Variants in GEN1 observed in about 807,000 individuals in gnomAD.
GEN1 encodes the protein GEN1 structure-specific endonuclease, also known as flap endonuclease GEN homolog 1.
GEN1 carries 64 observed loss-of-function variants against 67.6 expected under a neutral mutation model. The observed-to-expected ratio is 0.95, with a 90% CI of 0.77 to 1.17. The LOEUF (loss-of-function observed/expected upper bound fraction) is 1.17. Among genes scored for constraint, GEN1 ranks in the 50% most tolerant of loss-of-function variants. The pLI is 0.00. For synonymous variants in GEN1, 371 were observed against 359.4 expected, an observed-to-expected ratio of 1.03 and a Z score of -0.37; for missense variants, 1,058 against 1,048.3, an observed-to-expected ratio of 1.01 and a Z score of -0.13.
At position 17,784,433 on chromosome 2, in the gene GEN1, GAT is replaced by G. The variant is rs1558417543; in HGVS notation, c.*2497_*2498del. ...TTCAAATGGTTAAATGTAGAGTTAC[GAT>G]ATGATCCAGCAATTCCTCTCCCAGG... On this transcript the variant is annotated 3_prime_UTR_variant, in exon 14 of 14. Coordinates refer to ENST00000381254, the MANE Select transcript of GEN1 (RefSeq NM_001130009.3). The G allele has an allele frequency of 1.3e-5, 2 of 152,128 alleles. No homozygotes were observed. Among genetic ancestry groups the G allele is most frequent in the African/African-American group, 4.8e-5 (2 of 41,418 alleles). The allele number at this position is 152,128 out of a possible 1,614,324, so 9.4% of individuals were successfully genotyped here.
rs771356451 is a variant in GEN1, at chr2:17,782,170, T to A, written c.*231T>A. The A allele has an allele frequency of 2.9e-4, 104 of 357,068 alleles. No homozygotes were observed. Among genetic ancestry groups the A allele is most frequent in the Non-Finnish European group, 4.0e-4 (80 of 199,494 alleles). The allele number at this position is 357,068 out of a possible 1,614,324, so 22.1% of individuals were successfully genotyped here. On this transcript the variant is annotated 3_prime_UTR_variant, in exon 14 of 14. Coordinates refer to ENST00000381254, the MANE Select transcript of GEN1 (RefSeq NM_001130009.3). ...AATGTATGTCATTATGTCCTTACTA[T>A]TCCTTAATTGTAGTTTTAAAATATT...
intron 10 of GEN1, 93 bp downstream of exon 10, chr2:17,773,392 A>T: frequency 1.3e-6 from 1 of 740,822 alleles, no homozygotes; most frequent in Non-Finnish European, 2.2e-6. Flanking sequence ...GAGGAGGTTT[A>T]AAATTAAAAC....
At chr2:17,770,202 C>A (rs1672119089) in intron 6 of GEN1, among the ~76,000 whole-genome samples, 1 of 152,108 alleles carries the variant, frequency 6.6e-6, no homozygotes. Context: ...CTTATTGAAA[C>A]AGTTTCAGCA....
intron 11 of GEN1, among the ~76,000 whole-genome samples, chr2:17,777,667 G>T (rs1672501612): frequency 6.6e-6 from 1 of 152,052 alleles, no homozygotes; most frequent in Non-Finnish European, 1.5e-5. Context: ...ATACTACACA[G>T]AGTTTGAAAA....
At chr2:17,780,199 G>A in intron 13 of GEN1, 78 bp downstream of exon 13, 1 of 1,144,354 alleles carries the variant, frequency 8.7e-7, no homozygotes, top group Non-Finnish European at 1.3e-6. Context: ...TGAATCTGCT[G>A]TGTCTAAATT....
At chr2:17,773,411 C>A in intron 10 of GEN1, 112 bp downstream of exon 10, 1 of 651,510 alleles carries the variant, frequency 1.5e-6, no homozygotes, top group Non-Finnish European at 2.6e-6. Context: ...ACAGGCAGCT[C>A]TTATATTTTT....
intron 4 of GEN1, 46 bp downstream of exon 4, chr2:17,765,119 T>A: frequency 6.4e-7 from 1 of 1,552,626 alleles, no homozygotes; most frequent in Admixed American, 1.7e-5. Flanking sequence ...ACGAACTACC[T>A]TTTTTAAAGG....
In GEN1 at chr2:17,784,610, T is replaced by A. The variant is rs1044375528; in HGVS notation, c.*2671T>A. ...AAACTAATGTGTATTAGCTATTGTG[T>A]GCTAAGCATTCAACTAGATTATTTA... On this transcript the variant is annotated 3_prime_UTR_variant, in exon 14 of 14. Transcript: ENST00000381254. 1 of 152,244 alleles carries A rather than the reference T, an allele frequency of 6.6e-6. No homozygotes were observed. Among genetic ancestry groups the A allele is most frequent in the African/African-American group, 2.4e-5 (1 of 41,464 alleles). 9.4% of individuals were successfully genotyped at this position (152,244 alleles called of 1,614,324 possible). A position where few individuals can be genotyped will look rare whatever the true frequency, so the allele number is the denominator to read the frequency against.
chr2:17,761,067 C>CA (rs1466782490), intron 2 of GEN1, among the ~76,000 whole-genome samples: 6 of 151,820 alleles, frequency 4.0e-5, no homozygotes, highest in African/African-American at 7.3e-5. Flanking sequence ...CCCATCTCTA[C>CA]AAAAAATACA....
chr2:17,775,022 A>G (rs1205903354), intron 11 of GEN1, among the ~76,000 whole-genome samples: 1 of 152,218 alleles, frequency 6.6e-6, no homozygotes, highest in African/African-American at 2.4e-5. Context: ...AGAAAGCTTA[A>G]CATATAAAGA....
chr2:17,755,934 G>A (rs1263164362), intron 1 of GEN1, among the ~76,000 whole-genome samples: 5 of 152,170 alleles, frequency 3.3e-5, no homozygotes, highest in Non-Finnish European at 5.9e-5. Context: ...TACATCAAAG[G>A]ACTTGTTTTT....
intron 4 of GEN1, among the ~76,000 whole-genome samples, chr2:17,766,278 G>T (rs1017027608): frequency 1.3e-5 from 2 of 151,946 alleles, no homozygotes; most frequent in South Asian, 4.1e-4. Flanking sequence ...AGTAATTCTT[G>T]TGCCTCAGCC....
intron 11 of GEN1, among the ~76,000 whole-genome samples, chr2:17,775,695 G>A (rs1353676557): frequency 6.6e-6 from 1 of 152,158 alleles, no homozygotes; most frequent in Admixed American, 6.6e-5. Flanking sequence ...AGGAAAAATG[G>A]TATCTTCAAA....
At chr2:17,778,340 A>G (rs1672618751) in intron 12 of GEN1, among the ~76,000 whole-genome samples, 1 of 37,992 alleles carries the variant, frequency 2.6e-5, no homozygotes, top group African/African-American at 1.1e-4. Context: ...ATATATGTAT[A>G]CACACACATG....
In GEN1 at chr2:17,781,829, A is replaced by C. The variant is rs1262473960; in HGVS notation, c.2617A>C (p.Ser873Arg). The change falls in exon 14 of 14, where the codon AGT becomes CGT. Residue 873 changes from serine to arginine, a missense_variant. Physicochemically the swap from Ser to Arg is moderately radical, Grantham distance 110. Coordinates refer to ENST00000381254, the MANE Select transcript of GEN1 (RefSeq NM_001130009.3). Reference protein sequence around the residue: ...EESCFPDSTKSSLSSLQCHKK... With the variant: ...EESCFPDSTKRSLSSLQCHKK... Reference sequence around the variant, plus strand: ...AAGCTGTTTCCCAGATTCAACAAAAAGTTCTCTGAGTTCTCTACAATGTCA... The same window carrying C: ...AAGCTGTTTCCCAGATTCAACAAAACGTTCTCTGAGTTCTCTACAATGTCA... 2.5e-6 allele frequency: 4 copies of C among 1,605,640 alleles called. No homozygotes were observed. The highest frequency in any genetic ancestry group is 3.4e-6 in the Non-Finnish European group (4 of 1,175,560).
intron 5 of GEN1, among the ~76,000 whole-genome samples, chr2:17,768,393 A>C (rs1235383345): frequency 6.6e-6 from 1 of 152,224 alleles, no homozygotes; most frequent in Non-Finnish European, 1.5e-5. Context: ...AGTTAGGTTA[A>C]ATTAAAATAT....
At chr2:17,762,363 G>A (rs1490022800) in intron 3 of GEN1, among the ~76,000 whole-genome samples, 1 of 151,050 alleles carries the variant, frequency 6.6e-6, no homozygotes, top group East Asian at 1.9e-4. Flanking sequence ...CACCACACCT[G>A]GCTAAGTTTT....
chr2:17,774,082 G>A (rs930090454), intron 10 of GEN1, among the ~76,000 whole-genome samples, 189 bp from the exon 11 acceptor site: 2 of 151,932 alleles, frequency 1.3e-5, no homozygotes, highest in Non-Finnish European at 2.9e-5. Flanking sequence ...CGTTCAAACC[G>A]AGAGCCTTCA....
At position 17,781,905 on chromosome 2, in the gene GEN1, G is replaced by T; in HGVS notation, c.2693G>T (p.Arg898Leu). The part of the protein sequence containing the change: ...GTCLDSPLPL[R>L]QRLKLRFQST The stretch of plus-strand genomic sequence containing the variant: ...TGTTTGGATAGCCCTCTTCCTTTAC[G>T]CCAGAGATTAAAACTAAGATTCCAA... The change falls in exon 14 of 14, where the codon CGC becomes CTC. Residue 898 changes from arginine to leucine, a missense_variant. Coordinates refer to ENST00000381254, the MANE Select transcript of GEN1 (RefSeq NM_001130009.3). 6.4e-7 allele frequency: 1 copy of T among 1,566,584 alleles called. No homozygotes were observed. The highest frequency in any genetic ancestry group is 8.6e-7 in the Non-Finnish European group (1 of 1,163,100).
Sources: gnomAD v4.1 joint callset for allele counts (sites outside exome capture counted in the v4.1 genomes callset) on GRCh38, gnomAD v4.1.1 for gene constraint, MANE v1.5 for transcripts, NCBI Gene and HGNC (gene_info 2026-07-23, HGNC 2026-07-21) for gene names.